PAX5: variants seen among roughly 807,000 people sequenced by gnomAD.
PAX5 encodes the protein paired box 5.
Under a neutral mutation model 43.7 loss-of-function variants are expected in PAX5, and 9 were observed. The ratio of observed to expected loss-of-function variants is 0.21; its 90% CI spans 0.12 to 0.36. The LOEUF is 0.36. PAX5 is among the 10% of genes least tolerant of loss of function. The probability of loss-of-function intolerance (pLI) is 1.00; values close to 1 mark genes in which losing one functional copy is unlikely to be tolerated. For missense variants in PAX5, 383 were observed against 532.7 expected (o/e 0.72, Z 2.77); for synonymous variants, 228 against 214.3 (o/e 1.06, Z -0.56).
intron 1 of PAX5, among the ~76,000 whole-genome samples, chr9:37,030,863 T>C (rs1348737697): frequency 6.6e-6 from 1 of 152,248 alleles, no homozygotes; most frequent in Non-Finnish European, 1.5e-5. Context: ...CATTTCCCTG[T>C]TCTTGCTTCT....
rs1023100875 is a variant in PAX5 at position 36,839,764 on chromosome 9, G to A, written c.*796C>T. 4.3e-6 allele frequency: 1 copy of A among 233,422 alleles called. No homozygotes were observed. 14.5% of individuals were successfully genotyped at this position (233,422 alleles called of 1,614,324 possible). ...TCGGATGACATTCTGCTTCGGAAAA[G>A]TAGCTGAGGAATCTCCCAGACAGTT... On this transcript the variant is annotated 3_prime_UTR_variant, in exon 10 of 10. Coordinates refer to ENST00000358127, the MANE Select transcript of PAX5 (RefSeq NM_016734.3).
chr9:36,923,812 G>A (rs1830377474), intron 6 of PAX5, among the ~76,000 whole-genome samples: 6 of 152,232 alleles, frequency 3.9e-5, no homozygotes, highest in Admixed American at 3.9e-4. Context: ...CCTCAGTGCA[G>A]GGATGGAGGG....
chr9:37,029,267 G>C (rs535863875), intron 1 of PAX5, among the ~76,000 whole-genome samples: 1 of 152,026 alleles, frequency 6.6e-6, no homozygotes, highest in Non-Finnish European at 1.5e-5. Flanking sequence ...TTCTCTCTAC[G>C]CATGCTCTAC....
intron 7 of PAX5, among the ~76,000 whole-genome samples, chr9:36,919,839 C>CA (rs61173333): frequency 0.022 from 1,476 of 66,182 alleles, 187 homozygotes; most frequent in African/African-American, 0.053. Flanking sequence ...GACTCTGTCT[C>CA]AAAAAAAAAA....
At chr9:36,865,166 C>A (rs1824743404) in intron 8 of PAX5, among the ~76,000 whole-genome samples, 1 of 152,204 alleles carries the variant, frequency 6.6e-6, no homozygotes, top group African/African-American at 2.4e-5. Flanking sequence ...GAAACACAGG[C>A]CAGGCACCCA....
In PAX5 at chr9:37,020,887, C is replaced by T. The variant is rs1839790660; in HGVS notation, c.47-86G>A. On this transcript the variant is annotated intron_variant, in intron 1 of 9. Transcript: ENST00000358127. The stretch of plus-strand genomic sequence containing the variant: ...AAGCACCGCTGTGAGGACCCAGAGC[C>T]CCTCTGATCACAAATGGCCGGCAGG... The T allele has an allele frequency of 2.1e-6, 3 of 1,429,638 alleles. No homozygotes were observed. The Admixed American group carries it at 5.7e-5, about 27-fold the overall frequency. The allele number at this position is 1,429,638 out of a possible 1,614,324, so 88.6% of individuals were successfully genotyped here.
At chr9:36,937,321 T>C (rs1831640893) in intron 6 of PAX5, among the ~76,000 whole-genome samples, 1 of 152,160 alleles carries the variant, frequency 6.6e-6, no homozygotes, top group South Asian at 2.1e-4. Flanking sequence ...AAATAACGTG[T>C]CCAGTTCACC....
chr9:36,868,471 C>T (rs768222554), intron 8 of PAX5, among the ~76,000 whole-genome samples: 3 of 152,062 alleles, frequency 2.0e-5, no homozygotes, highest in African/African-American at 4.8e-5. Context: ...TGAGGGACTG[C>T]GGTGGGGGGC....
intron 4 of PAX5, among the ~76,000 whole-genome samples, chr9:37,004,131 T>A (rs1313381297): frequency 1.3e-5 from 2 of 152,244 alleles, no homozygotes; most frequent in African/African-American, 4.8e-5. Flanking sequence ...AAGTCTAGAT[T>A]TCCCCCGCCC....
chr9:37,007,264 CA>C (rs1270145829), intron 3 of PAX5, among the ~76,000 whole-genome samples: 9 of 152,266 alleles, frequency 5.9e-5, no homozygotes, highest in Non-Finnish European at 1.3e-4. Flanking sequence ...TGACCTTGAC[CA>C]AGTACATTCC....
chr9:36,848,402 G>A (rs951383590), intron 8 of PAX5, among the ~76,000 whole-genome samples: 2 of 135,554 alleles, frequency 1.5e-5, no homozygotes, highest in Admixed American at 1.4e-4. Context: ...TCCTCCTCGG[G>A]CCTCTCTGGG....
In PAX5 at chr9:36,959,117, C is replaced by T. The variant is rs536297632; in HGVS notation, c.780+7432G>A. On this transcript the variant is annotated intron_variant, in intron 6 of 9. Coordinates refer to ENST00000358127, the MANE Select transcript of PAX5 (RefSeq NM_016734.3). ...TAGTGAGGATTCCTCAGGGGAACTG[C>T]CCTTCAGTGCCCCTTCCGGTGCTTC... Among the ~76,000 whole-genome samples, 17 of 152,352 alleles carry T rather than the reference C, an allele frequency of 1.1e-4. No individual in the cohort carries two copies. In the South Asian group the frequency reaches 3.1e-3, roughly 28 times the overall value.
intron 7 of PAX5, among the ~76,000 whole-genome samples, chr9:36,900,215 G>A (rs10814470): frequency 0.19 from 29,287 of 152,156 alleles, 3,603 homozygotes; most frequent in East Asian, 0.49. Flanking sequence ...GCATATTTTT[G>A]GGTCCCCCAA....
chr9:36,876,919 T>C (rs1256358008), intron 8 of PAX5, among the ~76,000 whole-genome samples: 1 of 152,152 alleles, frequency 6.6e-6, no homozygotes, highest in Non-Finnish European at 1.5e-5. Context: ...AGACATTTAG[T>C]AAGGAAAAAC....
At chr9:36,884,812 C>A (rs750110054) in intron 7 of PAX5, among the ~76,000 whole-genome samples, 5 of 152,216 alleles carry the variant, frequency 3.3e-5, no homozygotes, top group Non-Finnish European at 4.4e-5. Context: ...TGTGTCGACT[C>A]CAGCCTTGTG....
At chr9:36,923,881 G>A (rs1385804785) in intron 6 of PAX5, among the ~76,000 whole-genome samples, 1 of 152,188 alleles carries the variant, frequency 6.6e-6, no homozygotes, top group African/African-American at 2.4e-5. Flanking sequence ...TGGAAAGAAC[G>A]GTTTCTGATT....
intron 5 of PAX5, among the ~76,000 whole-genome samples, chr9:36,975,986 G>C (rs1337311050): frequency 6.6e-6 from 1 of 152,208 alleles, no homozygotes; most frequent in Non-Finnish European, 1.5e-5. Flanking sequence ...TTGCAGGGCT[G>C]TATGGCTCAG....
intron 5 of PAX5, among the ~76,000 whole-genome samples, chr9:36,972,482 A>G (rs1259753033): frequency 6.6e-6 from 1 of 152,212 alleles, no homozygotes; most frequent in Non-Finnish European, 1.5e-5. Flanking sequence ...TGTGCTAAGT[A>G]GTATTAAATG....
intron 6 of PAX5, among the ~76,000 whole-genome samples, chr9:36,936,345 C>T (rs1831549706): frequency 6.6e-6 from 1 of 152,316 alleles, no homozygotes; most frequent in Non-Finnish European, 1.5e-5. Flanking sequence ...GGCTGGGTCA[C>T]GAGCAGCTCC....
Sources: allele counts gnomAD v4.1 joint callset (sites outside exome capture counted in the v4.1 genomes callset), GRCh38; gene constraint gnomAD v4.1.1; transcripts MANE v1.5; gene names NCBI Gene and HGNC (gene_info 2026-07-23, HGNC 2026-07-21).